The following SEMA6D variants were observed in gnomAD, a reference collection of about 807,000 sequenced individuals.
The protein encoded by SEMA6D is semaphorin-6D.
A neutral mutation model predicts 106.6 loss-of-function variants in SEMA6D; 35 were observed. The ratio of observed to expected loss-of-function variants is 0.33; its 90% CI spans 0.25 to 0.44. The LOEUF (loss-of-function observed/expected upper bound fraction) is 0.44, where lower values mean the gene tolerates loss of function less well. Among genes scored for constraint, SEMA6D ranks in the 20% least tolerant of loss-of-function variants. SEMA6D has a pLI of 1.00. For missense variants in SEMA6D, 1,185 were observed against 1,345.9 expected, an observed-to-expected ratio of 0.88 and a Z score of 1.87; for synonymous variants, 499 against 487.7, an observed-to-expected ratio of 1.02 and a Z score of -0.31.
chr15:47,420,266 A>T (rs142353877), intron 2 of SEMA6D, among the ~76,000 whole-genome samples: 8 of 152,152 alleles, frequency 5.3e-5, no homozygotes, highest in African/African-American at 1.9e-4. Context: ...AGAACATTGT[A>T]TTATTGGGCT....
Position 47,773,715 on chromosome 15 carries a change from A to C in SEMA6D, c.*1930A>C, listed in dbSNP as rs2082728684. The C allele has an allele frequency of 6.6e-6, 1 of 152,642 alleles. No homozygotes were observed. The highest frequency in any genetic ancestry group is 1.5e-5 in the Non-Finnish European group (1 of 68,040). The allele number at this position is 152,642 out of a possible 1,614,324, so 9.5% of individuals were successfully genotyped here. Reference sequence around the variant, plus strand: ...GATCTCTGGAAGCGCTAAAGCTAAAATTTCTGTTCTTGAAACACTTCAGCT... The same window carrying C: ...GATCTCTGGAAGCGCTAAAGCTAAACTTTCTGTTCTTGAAACACTTCAGCT... On this transcript the variant is annotated 3_prime_UTR_variant, in exon 19 of 19. Coordinates refer to ENST00000536845, the MANE Select transcript of SEMA6D (RefSeq NM_001358351.3).
intron 3 of SEMA6D, among the ~76,000 whole-genome samples, chr15:47,522,074 A>T (rs1181077829): frequency 6.6e-6 from 1 of 152,152 alleles, no homozygotes. Flanking sequence ...ATTGTACTTG[A>T]CCAACCCAGC....
chr15:47,297,386 C>T (rs2035846209), intron 1 of SEMA6D, among the ~76,000 whole-genome samples: 1 of 152,120 alleles, frequency 6.6e-6, no homozygotes, highest in Non-Finnish European at 1.5e-5. Flanking sequence ...GTCAGTTTGT[C>T]TAGCCTTTTC....
chr15:47,616,033 T>C (rs2077000072), intron 4 of SEMA6D, among the ~76,000 whole-genome samples: 1 of 152,244 alleles, frequency 6.6e-6, no homozygotes, highest in Non-Finnish European at 1.5e-5. Context: ...ATTAGCTGCA[T>C]CCACTTTGGG....
chr15:47,560,850 T>G (rs558088521), intron 3 of SEMA6D, among the ~76,000 whole-genome samples: 1 of 152,106 alleles, frequency 6.6e-6, no homozygotes, highest in South Asian at 2.1e-4. Flanking sequence ...TATGTGATGA[T>G]GCAGAGAAGG....
chr15:47,716,845 A>G (rs190270939), upstream of SEMA6D, among the ~76,000 whole-genome samples: 4 of 133,300 alleles, frequency 3.0e-5, no homozygotes, highest in East Asian at 6.9e-4. Flanking sequence ...TTAGTAGGCA[A>G]TTTCTGTATT....
At chr15:47,454,398 G>C (rs1350497133) in intron 2 of SEMA6D, among the ~76,000 whole-genome samples, 1 of 151,916 alleles carries the variant, frequency 6.6e-6, no homozygotes, top group Non-Finnish European at 1.5e-5. Flanking sequence ...CCACAAATGT[G>C]TATTGAACAC....
intron 3 of SEMA6D, among the ~76,000 whole-genome samples, chr15:47,521,284 A>G (rs1056226698): frequency 2.0e-4 from 31 of 152,198 alleles, no homozygotes; most frequent in Non-Finnish European, 2.8e-4. Flanking sequence ...CCTGCATTCT[A>G]TGGAAGCATC....
At chr15:47,441,490 A>C (rs1055155818) in intron 2 of SEMA6D, among the ~76,000 whole-genome samples, 1 of 152,096 alleles carries the variant, frequency 6.6e-6, no homozygotes, top group African/African-American at 2.4e-5. Flanking sequence ...AAGAATGTAG[A>C]CACAATTTCA....
At chr15:47,768,183 A>G (rs556409983) in intron 17 of SEMA6D, among the ~76,000 whole-genome samples, 1 of 152,338 alleles carries the variant, frequency 6.6e-6, no homozygotes, top group Non-Finnish European at 1.5e-5. Flanking sequence ...AGTAAAGCCT[A>G]TAGATTTTCT....
At chr15:47,730,238 C>T (rs567917710) in intron 1 of SEMA6D, 205 of 1,532,198 alleles carry the variant, frequency 1.3e-4, no homozygotes, top group African/African-American at 2.7e-4. Flanking sequence ...GCCCCAGTGA[C>T]GGCGGATCTC....
intron 1 of SEMA6D, 87 bp downstream of exon 1, chr15:47,717,779 G>GTC (rs2079170725): frequency 7.0e-6 from 1 of 142,698 alleles, no homozygotes; most frequent in African/African-American, 3.0e-5. Flanking sequence ...GTGTGTGTGT[G>GTC]TGTGTGTGTG....
At chr15:47,570,015 C>G (rs11629755) in intron 3 of SEMA6D, among the ~76,000 whole-genome samples, 1 of 141,808 alleles carries the variant, frequency 7.1e-6, no homozygotes, top group Non-Finnish European at 1.6e-5. Flanking sequence ...GACCCGAGAT[C>G]GCACCACTGC....
intron 4 of SEMA6D, among the ~76,000 whole-genome samples, chr15:47,669,387 C>T (rs1013763044): frequency 1.4e-4 from 21 of 152,142 alleles, no homozygotes; most frequent in Non-Finnish European, 3.1e-4. Flanking sequence ...TTCTCTGGAT[C>T]ATTAGTGTTT....
chr15:47,435,044 T>C (rs1425220641), intron 2 of SEMA6D, among the ~76,000 whole-genome samples: 1 of 152,124 alleles, frequency 6.6e-6, no homozygotes, highest in African/African-American at 2.4e-5. Flanking sequence ...TCTTAAAAAA[T>C]GGCCAGATTT....
chr15:47,471,637 G>A (rs1596082001), intron 3 of SEMA6D, among the ~76,000 whole-genome samples: 1 of 152,254 alleles, frequency 6.6e-6, no homozygotes, highest in East Asian at 1.9e-4. Context: ...ATTACCATGA[G>A]ATGGCAGTAG....
chr15:47,390,331 T>C (rs141696787), intron 1 of SEMA6D, among the ~76,000 whole-genome samples: 1 of 152,268 alleles, frequency 6.6e-6, no homozygotes, highest in African/African-American at 2.4e-5. Context: ...TATATTTGCT[T>C]AAGTCCCCTT....
chr15:47,662,890 A>G (rs1018280253), intron 4 of SEMA6D, among the ~76,000 whole-genome samples: 1 of 117,024 alleles, frequency 8.5e-6, no homozygotes, highest in Non-Finnish European at 1.8e-5. Context: ...CACACACACC[A>G]TGAATCATTT....
At chr15:47,284,408 A>T (rs2035268007) in intron 1 of SEMA6D, among the ~76,000 whole-genome samples, 1 of 152,150 alleles carries the variant, frequency 6.6e-6, no homozygotes, top group African/African-American at 2.4e-5. Flanking sequence ...CACTAACATA[A>T]GTTTATTATG....
Sources: gnomAD v4.1 joint callset for allele counts (sites outside exome capture counted in the v4.1 genomes callset) on GRCh38, gnomAD v4.1.1 for gene constraint, MANE v1.5 for transcripts, NCBI Gene and HGNC (gene_info 2026-07-23, HGNC 2026-07-21) for gene names.